STS: variants seen among roughly 807,000 people sequenced by gnomAD.
STS encodes steroid sulfatase, also known as steryl-sulfatase.
A neutral mutation model predicts 26.8 loss-of-function variants in STS; 7 were observed. The observed-to-expected ratio is 0.26, with a 90% CI of 0.15 to 0.49. The LOEUF (loss-of-function observed/expected upper bound fraction) is 0.49, where lower values mean the gene tolerates loss of function less well. STS is among the 20% of genes least tolerant of loss of function. The pLI is 0.98. For synonymous variants in STS, 199 were observed against 189.4 expected (o/e 1.05, Z -0.42); for missense variants, 434 against 465.6 (o/e 0.93, Z 0.63).
intron 9 of STS, 22 bp from the exon 10 acceptor site, chrX:7,333,964 T>G (rs1927884403): frequency 8.3e-7 from 1 of 1,209,683 alleles, no homozygotes; most frequent in Admixed American, 2.2e-5. Context: ...CACGTCTTGA[T>G]GCCTGGCTGT....
intron 2 of STS, among the ~76,000 whole-genome samples, chrX:7,243,412 T>G (rs771055229): frequency 8.9e-6 from 1 of 111,853 alleles, no homozygotes; most frequent in Admixed American, 9.5e-5. Context: ...TCCCCCATGG[T>G]CAAGGTGACA....
rs186180857 is a variant in STS, at chrX:7,280,071, A to G, written c.943+3984A>G. Among the ~76,000 whole-genome samples, 25 of 112,059 alleles carry G rather than the reference A, an allele frequency of 2.2e-4. 2 individuals carry two copies. The East Asian group carries it at 6.8e-3, about 30-fold the overall frequency. ...CTTTCCATGTAATAAGAAAGCGTGC[A>G]TCATGTCAGTGCACAACCAACAACA... On this transcript the variant is annotated intron_variant, in intron 7 of 10. Coordinates refer to ENST00000674429, the MANE Select transcript of STS (RefSeq NM_001320752.2).
intron 7 of STS, among the ~76,000 whole-genome samples, chrX:7,297,518 TA>T (rs756443430): frequency 2.3e-4 from 26 of 111,938 alleles, no homozygotes; most frequent in Middle Eastern, 4.6e-3. Flanking sequence ...CATAGTTATT[TA>T]AAAAACGATT....
intron 8 of STS, among the ~76,000 whole-genome samples, chrX:7,323,598 C>T (rs1436302455): frequency 9.0e-6 from 1 of 111,654 alleles, no homozygotes; most frequent in Non-Finnish European, 1.9e-5. Context: ...TGTATATGTG[C>T]CACATTTTCT....
At chrX:7,245,641 G>A (rs1922830134) in intron 2 of STS, among the ~76,000 whole-genome samples, 1 of 112,379 alleles carries the variant, frequency 8.9e-6, no homozygotes. Flanking sequence ...ACTTCTTCCT[G>A]GCTGCAGAAT....
intron 1 of STS, among the ~76,000 whole-genome samples, chrX:7,179,646 G>A (rs1454844686): frequency 2.7e-5 from 3 of 112,353 alleles, no homozygotes; most frequent in East Asian, 5.6e-4. Context: ...ACAACTGTTA[G>A]GCATCTGAGA....
At chrX:7,233,278 G>A in intron 2 of STS, among the ~76,000 whole-genome samples, 1 of 109,337 alleles carries the variant, frequency 9.1e-6, no homozygotes, top group Middle Eastern at 4.7e-3. Context: ...ATTTTTAGTA[G>A]AGATGGGGTT....
intron 1 of STS, among the ~76,000 whole-genome samples, chrX:7,156,907 CCTTTA>C (rs1429284639): frequency 4.5e-5 from 5 of 111,652 alleles, no homozygotes; most frequent in South Asian, 3.8e-4. Context: ...TGTGCCATAC[CCTTTA>C]CTTTAATAGA....
intron 2 of STS, among the ~76,000 whole-genome samples, chrX:7,204,223 T>C (rs942167283): frequency 8.9e-6 from 1 of 112,061 alleles, no homozygotes; most frequent in African/African-American, 3.2e-5. Flanking sequence ...GTGTTTAATT[T>C]ATTTTTTCTT....
chrX:7,205,808 G>T (rs746160205), intron 2 of STS, among the ~76,000 whole-genome samples: 1 of 108,618 alleles, frequency 9.2e-6, no homozygotes, highest in Non-Finnish European at 1.9e-5. Flanking sequence ...TAGAGACAAG[G>T]TCTCGCTATA....
intron 7 of STS, among the ~76,000 whole-genome samples, chrX:7,290,799 G>A (rs1925378308): frequency 8.9e-6 from 1 of 111,904 alleles, no homozygotes; most frequent in East Asian, 2.8e-4. Flanking sequence ...TGTAAAATGA[G>A]ATCATTTCAT....
chrX:7,229,921 C>T (rs756412714), intron 2 of STS, among the ~76,000 whole-genome samples: 1 of 110,353 alleles, frequency 9.1e-6, no homozygotes, highest in East Asian at 2.9e-4. Flanking sequence ...CTGTGTTGCC[C>T]AGGCTGCAGT....
intron 7 of STS, among the ~76,000 whole-genome samples, chrX:7,300,703 T>A (rs1375879304): frequency 9.0e-6 from 1 of 111,352 alleles, no homozygotes; most frequent in African/African-American, 3.3e-5. Context: ...CATGGCAGCC[T>A]CAGCTACTTT....
intron 6 of STS, among the ~76,000 whole-genome samples, chrX:7,262,681 A>G (rs1923807066): frequency 8.9e-6 from 1 of 112,015 alleles, no homozygotes; most frequent in African/African-American, 3.2e-5. Flanking sequence ...ATAAAGCCCC[A>G]TGGAAATCTC....
At chrX:7,259,310 T>A in intron 5 of STS, 39 bp from the exon 6 acceptor site, 1 of 1,170,245 alleles carries the variant, frequency 8.5e-7, no homozygotes. Context: ...AATCAGGGTG[T>A]TTATTGGGAC....
chrX:7,253,117 C>A, intron 2 of STS, 79 bp from the exon 3 acceptor site: 1 of 1,137,743 alleles, frequency 8.8e-7, no homozygotes, highest in Non-Finnish European at 1.2e-6. Flanking sequence ...TACCACCTCA[C>A]CCCAGCCTGG....
intron 9 of STS, among the ~76,000 whole-genome samples, chrX:7,326,401 C>T (rs1007363480): frequency 2.7e-5 from 3 of 111,508 alleles, no homozygotes; most frequent in Non-Finnish European, 5.6e-5. Flanking sequence ...CTCGTCTGTT[C>T]ACCCCACCGT....
rs1374055926 is a variant in STS at position 7,267,695 on chromosome X, C to G, written c.806+7923C>G. ...AAGAATGGCAATGACTTTATACACACCTACATAATCTGTATAGTATGTTAT... is the reference window on the plus strand; with the variant it reads ...AAGAATGGCAATGACTTTATACACAGCTACATAATCTGTATAGTATGTTAT... On this transcript the variant is annotated intron_variant, in intron 6 of 10. Transcript: ENST00000674429. 2.7e-5 allele frequency among the ~76,000 whole-genome samples: 3 copies of G among 112,075 alleles called. 1 individual carries two copies. The Admixed American group carries it at 2.9e-4, about 11-fold the overall frequency.
At chrX:7,233,091 C>CTTTTTTTTTT (rs3077766) in intron 2 of STS, among the ~76,000 whole-genome samples, 33 of 69,862 alleles carry the variant, frequency 4.7e-4, no homozygotes, top group Admixed American at 8.1e-4. Flanking sequence ...TTCTTTTTTT[C>CTTTTTTTTTT]TTTTTTTTTT....
Sources: gnomAD v4.1 joint callset for allele counts (sites outside exome capture counted in the v4.1 genomes callset) on GRCh38, gnomAD v4.1.1 for gene constraint, MANE v1.5 for transcripts, NCBI Gene and HGNC (gene_info 2026-07-23, HGNC 2026-07-21) for gene names.